BNC1: variants seen among roughly 807,000 people sequenced by gnomAD.
The protein encoded by BNC1 is zinc finger protein basonuclin-1.
BNC1 carries 8 observed loss-of-function variants against 66.5 expected under a neutral mutation model. That is an observed-to-expected ratio of 0.12 (90% CI 0.07 to 0.22). The LOEUF is 0.22. Among genes scored for constraint, BNC1 ranks in the 10% least tolerant of loss-of-function variants. The probability of loss-of-function intolerance (pLI) is 1.00; values close to 1 mark genes in which losing one functional copy is unlikely to be tolerated. For missense variants in BNC1, 1,069 were observed against 1,241.3 expected, an observed-to-expected ratio of 0.86 and a Z score of 2.09; for synonymous variants, 454 against 452.6, an observed-to-expected ratio of 1.00 and a Z score of -0.04.
At chr15:83,282,368 T>A (rs1186283686) in intron 1 of BNC1, among the ~76,000 whole-genome samples, 1 of 152,242 alleles carries the variant, frequency 6.6e-6, no homozygotes, top group East Asian at 1.9e-4. Context: ...GTTTTAACCA[T>A]CTGAAAGTAT....
rs1388736401 is a variant in BNC1 at position 83,284,560 on chromosome 15, G to A, written c.69C>T (p.Pro23=). ...CCATCCTGCGACCGCTGCGGTGCCG[G>A]GGCTGCCGGCGCGTCTCCCGGGCCC... The part of the protein sequence containing the change: ...AARARETRRQ[P]RHRSGRRMAE... The change falls in exon 1 of 5, where the codon CCC becomes CCT. Residue 23 remains proline (P), a synonymous_variant. Coordinates refer to ENST00000345382, the MANE Select transcript of BNC1 (RefSeq NM_001717.4). 14 of 1,103,476 alleles carry A rather than the reference G, an allele frequency of 1.3e-5. No homozygotes were observed. In the African/African-American group the frequency reaches 1.9e-4, roughly 15 times the overall value. 68.4% of individuals were successfully genotyped at this position (1,103,476 alleles called of 1,614,324 possible).
chr15:83,283,990 TCTC>T (rs909075213), intron 1 of BNC1, among the ~76,000 whole-genome samples: 19 of 151,930 alleles, frequency 1.3e-4, no homozygotes, highest in African/African-American at 4.4e-4. Flanking sequence ...TCTCCGCAGT[TCTC>T]CTCAGTGACC....
chr15:83,258,065 C>T lies in BNC1; in HGVS notation c.2362G>A (p.Glu788Lys), dbSNP rs961473043. The T allele has an allele frequency of 6.8e-6, 11 of 1,612,354 alleles. No homozygotes were observed. In the African/African-American group the frequency reaches 1.2e-4, roughly 18 times the overall value. The change falls in exon 5 of 5, where the codon GAA (glutamate) becomes AAA (lysine). Residue 788 changes from glutamate (E) to lysine (K), a missense_variant. By Grantham distance (56) the Glu-to-Lys change is moderately conservative. Around this residue, in one of 7 missense-constraint regions of BNC1, gnomAD observed 657 missense variants for 715.8 expected, o/e 0.92. Coordinates refer to ENST00000345382, the MANE Select transcript of BNC1 (RefSeq NM_001717.4). Reference protein sequence around the residue: ...ALSQEALESSEDHFRAAYLLK... With the variant: ...ALSQEALESSKDHFRAAYLLK... ...AGGTAAGCTGCACGGAAATGATCTT[C>T]ACTACTCTCCAATGCTTCCTGGCTC...
In BNC1 at chr15:83,272,394, C is replaced by CTTTTTTTTTTTTTTTT. The variant is rs750429207; in HGVS notation, c.100-4163_100-4162insAAAAAAAAAAAAAAAA. On this transcript the variant is annotated intron_variant, in intron 1 of 4. Transcript: ENST00000345382. ...TACAGGCATGCACCACCACACCTGG[C>CTTTTTTTTTTTTTTTT]TTTTTTTTTTTTTTTGTATTTTTAG... 3.0e-3 allele frequency among the ~76,000 whole-genome samples: 369 copies of CTTTTTTTTTTTTTTTT among 122,540 alleles called. 1 individual carries two copies. Among genetic ancestry groups the CTTTTTTTTTTTTTTTT allele is most frequent in the Non-Finnish European group, 3.9e-3 (240 of 60,930 alleles). 80.4% of individuals were successfully genotyped at this position (122,540 alleles called of 152,430 possible).
Position 83,264,643 on chromosome 15 carries a change from T to C in BNC1, c.608A>G (p.Asp203Gly), listed in dbSNP as rs200251794. The C allele has an allele frequency of 6.8e-6, 11 of 1,614,024 alleles. No homozygotes were observed. Among genetic ancestry groups the C allele is most frequent in the African/African-American group, 4.0e-5 (3 of 74,888 alleles). The change falls in exon 4 of 5, where the codon GAT becomes GGT. Residue 203 changes from aspartate to glycine, a missense_variant. By Grantham distance (94) the Asp-to-Gly change is moderately conservative. Around this residue, in one of 7 missense-constraint regions of BNC1, gnomAD observed 181 missense variants for 181.5 expected, o/e 1.00. Coordinates refer to ENST00000345382, the MANE Select transcript of BNC1 (RefSeq NM_001717.4). The part of the protein sequence containing the change: ...IIIPPSTANV[D>G]IRAFIESCSH... ...GCAGCTCTCGATGAAAGCCCTGATA[T>C]CTACATTTGCTGTGGAAGGTGGTAT...
intron 3 of BNC1, 85 bp downstream of exon 3, chr15:83,266,751 A>T: frequency 5.1e-6 from 6 of 1,180,190 alleles, no homozygotes; most frequent in Non-Finnish European, 7.6e-6. Flanking sequence ...GGGCTGTAGC[A>T]TTGGGAGGTA....
At chr15:83,277,748 G>A (rs1375989052) in intron 1 of BNC1, among the ~76,000 whole-genome samples, 2 of 152,174 alleles carry the variant, frequency 1.3e-5, no homozygotes, top group Non-Finnish European at 2.9e-5. Flanking sequence ...TAGGTGGAGA[G>A]CCTGGCTTCA....
At position 83,283,243 on chromosome 15, in the gene BNC1, G is replaced by A. The variant is rs529154845; in HGVS notation, c.99+1287C>T. The A allele has an allele frequency of 2.6e-6, 4 of 1,535,270 alleles. No individual in the cohort carries two copies. The East Asian group carries it at 7.3e-5, about 28-fold the overall frequency. ...AAAGTTTGGCTCGGAGCTACGCGCT[G>A]ATTAATATCAGATCTCCTTCACTCG... On this transcript the variant is annotated intron_variant, in intron 1 of 4. Coordinates refer to ENST00000345382, the MANE Select transcript of BNC1 (RefSeq NM_001717.4).
chr15:83,257,357 A>T lies in BNC1; in HGVS notation c.*85T>A. 7.0e-7 allele frequency: 1 copy of T among 1,422,082 alleles called. No homozygotes were observed. The highest frequency in any genetic ancestry group is 9.6e-7 in the Non-Finnish European group (1 of 1,044,564). 88.1% of individuals were successfully genotyped at this position (1,422,082 alleles called of 1,614,324 possible). A position where few individuals can be genotyped will look rare whatever the true frequency, so the allele number is the denominator to read the frequency against. ...ACTTTTGCCTGACTCGCCCCAAATG[A>T]TATGAAACAGAAACATTTCTATGGA... On this transcript the variant is annotated 3_prime_UTR_variant, in exon 5 of 5. Coordinates refer to ENST00000345382, the MANE Select transcript of BNC1 (RefSeq NM_001717.4).
chr15:83,272,597 T>C (rs888200731), intron 1 of BNC1, among the ~76,000 whole-genome samples: 1 of 152,080 alleles, frequency 6.6e-6, no homozygotes, highest in African/African-American at 2.4e-5. Context: ...TTTTGCTTAT[T>C]TGGAAAATAA....
At chr15:83,266,305 G>C (rs956897697) in intron 3 of BNC1, among the ~76,000 whole-genome samples, 2 of 151,752 alleles carry the variant, frequency 1.3e-5, no homozygotes, top group African/African-American at 4.9e-5. Context: ...CACACATATA[G>C]AGAGAGAGAT....
chr15:83,283,073 C>A (rs1446745548), intron 1 of BNC1: 6 of 1,488,024 alleles, frequency 4.0e-6, no homozygotes, highest in Non-Finnish European at 5.4e-6. Flanking sequence ...ATGCCCCCCG[C>A]CCCCCAACCA....
chr15:83,263,323 A>G lies in BNC1; in HGVS notation c.1928T>C (p.Ile643Thr). Reference protein sequence around the residue: ...ERETEQTPALIMVPREVEDGG... With the variant: ...ERETEQTPALTMVPREVEDGG... ...ATCCTCGACCTCCCTTGGCACCATG[A>G]TCAATGCTGGTGTCTGCTCAGTCTC... The change falls in exon 4 of 5, where the codon ATC (isoleucine) becomes ACC (threonine). Residue 643 changes from isoleucine to threonine, a missense_variant. Coordinates refer to ENST00000345382, the MANE Select transcript of BNC1 (RefSeq NM_001717.4). 6.2e-7 allele frequency: 1 copy of G among 1,614,190 alleles called. No homozygotes were observed. Among genetic ancestry groups the G allele is most frequent in the South Asian group, 1.1e-5 (1 of 91,080 alleles).
chr15:83,259,105 C>T (rs4341707), intron 4 of BNC1, among the ~76,000 whole-genome samples: 57,249 of 152,088 alleles, frequency 0.38, 12,767 homozygotes, highest in African/African-American at 0.63. Context: ...ACCAATCTTC[C>T]ACCCAATGAT....
In BNC1 at chr15:83,262,036, C is replaced by T. The variant is rs932427528; in HGVS notation, c.2300+915G>A. Among the ~76,000 whole-genome samples, 19 of 147,718 alleles carry T rather than the reference C, an allele frequency of 1.3e-4. No homozygotes were observed. In the Admixed American group the frequency reaches 1.3e-3, roughly 10 times the overall value. On this transcript the variant is annotated intron_variant, in intron 4 of 4. Transcript: ENST00000345382. ...TTTACTCAACCTGCTAATGTGACAA[C>T]TAGTTCATGTTTTTTTTTTTTTTTT...
rs765671123 is a variant in BNC1 at position 83,264,640 on chromosome 15, A to T, written c.611T>A (p.Ile204Asn). The change falls in exon 4 of 5, where the codon ATC (isoleucine) becomes AAC (asparagine). Residue 204 changes from isoleucine (I) to asparagine (N), a missense_variant. By Grantham distance (149) the Ile-to-Asn change is moderately radical (BLOSUM62 -3). This residue lies in a region of BNC1 where 181 missense variants were observed against 181.5 expected (regional missense o/e 1.00). Coordinates refer to ENST00000345382, the MANE Select transcript of BNC1 (RefSeq NM_001717.4). Reference protein sequence around the residue: ...IIPPSTANVDIRAFIESCSHR... With the variant: ...IIPPSTANVDNRAFIESCSHR... ...ACTGCAGCTCTCGATGAAAGCCCTG[A>T]TATCTACATTTGCTGTGGAAGGTGG... 1 of 1,614,182 alleles carries T rather than the reference A, an allele frequency of 6.2e-7. No individual in the cohort carries two copies. Among genetic ancestry groups the T allele is most frequent in the Admixed American group, 1.7e-5 (1 of 60,028 alleles).
intron 1 of BNC1, among the ~76,000 whole-genome samples, chr15:83,276,082 G>A (rs1036928286): frequency 6.6e-6 from 1 of 152,108 alleles, no homozygotes; most frequent in African/African-American, 2.4e-5. Context: ...ATGCCTTGGT[G>A]CCTTTGGCCA....
rs1271301318 is a variant in BNC1 at position 83,256,803 on chromosome 15, T to C, written c.*639A>G. On this transcript the variant is annotated 3_prime_UTR_variant, in exon 5 of 5. Coordinates refer to ENST00000345382, the MANE Select transcript of BNC1 (RefSeq NM_001717.4). ...CATGAGATATTTTTCCCCTAGCTTC[T>C]TGAATGCATGTTACAGAACAAGAAT... The C allele has an allele frequency of 6.6e-6, 1 of 152,234 alleles. No homozygotes were observed. The highest frequency in any genetic ancestry group is 1.5e-5 in the Non-Finnish European group (1 of 68,056). 9.4% of individuals were successfully genotyped at this position (152,234 alleles called of 1,614,324 possible). A position where few individuals can be genotyped will look rare whatever the true frequency, so the allele number is the denominator to read the frequency against.
intron 1 of BNC1, chr15:83,283,547 G>T (rs780293436): frequency 1.0e-6 from 1 of 974,592 alleles, no homozygotes; most frequent in Non-Finnish European, 1.2e-6. Context: ...GTCGGGGGCC[G>T]GGGGCTTCCC....
Sources: allele counts gnomAD v4.1 joint callset (sites outside exome capture counted in the v4.1 genomes callset), GRCh38; gene constraint gnomAD v4.1.1; regional missense constraint gnomAD v4.1.1; transcripts MANE v1.5; gene names NCBI Gene and HGNC (gene_info 2026-07-23, HGNC 2026-07-21).